Variants in ADAM19 observed in about 807,000 individuals in gnomAD.
ADAM19 encodes the protein ADAM metallopeptidase domain 19, also known as disintegrin and metalloproteinase domain-containing protein 19.
ADAM19 carries 65 observed loss-of-function variants against 114.7 expected under a neutral mutation model. The observed-to-expected ratio is 0.57, with a 90% CI of 0.46 to 0.70. The LOEUF (loss-of-function observed/expected upper bound fraction) is 0.70, where lower values mean the gene tolerates loss of function less well. Ranked by LOEUF, ADAM19 falls within the 30% of genes least tolerant of loss-of-function variation. The pLI is 0.00. For missense variants in ADAM19, 1,063 were observed against 1,204.7 expected (o/e 0.88, Z 1.74); for synonymous variants, 466 against 460.5 (o/e 1.01, Z -0.15).
intron 5 of ADAM19, among the ~76,000 whole-genome samples, chr5:157,520,433 A>T (rs768282635): frequency 6.6e-6 from 1 of 152,156 alleles, no homozygotes; most frequent in Non-Finnish European, 1.5e-5. Flanking sequence ...AAGCCTCCCA[A>T]ACCAAAACAT....
intron 5 of ADAM19, among the ~76,000 whole-genome samples, chr5:157,525,786 A>T (rs1156789239): frequency 6.6e-6 from 1 of 152,184 alleles, no homozygotes; most frequent in Non-Finnish European, 1.5e-5. Flanking sequence ...CATCATGCAC[A>T]CTTTCCTACA....
At position 157,478,108 on chromosome 5, in the gene ADAM19, T is replaced by C. The variant is rs1014645355; in HGVS notation, c.*2841A>G. 11 of 157,084 alleles carry C rather than the reference T, an allele frequency of 7.0e-5. No homozygotes were observed. Among genetic ancestry groups the C allele is most frequent in the Non-Finnish European group, 1.6e-4 (11 of 70,892 alleles). The allele number at this position is 157,084 out of a possible 1,614,324, so 9.7% of individuals were successfully genotyped here. ...TCCAAGGCCCTTAAAAAAAAATTCT[T>C]GGGTTGTAAAATTGGCAGGAGGTTA... On this transcript the variant is annotated 3_prime_UTR_variant, in exon 23 of 23. Transcript: ENST00000257527.
intron 5 of ADAM19, among the ~76,000 whole-genome samples, chr5:157,525,673 T>C (rs1241800368): frequency 6.6e-6 from 1 of 150,794 alleles, no homozygotes; most frequent in Non-Finnish European, 1.5e-5. Flanking sequence ...AAGGAAAAAA[T>C]TTAATGGGGA....
chr5:157,492,906 T>C, intron 16 of ADAM19, 67 bp downstream of exon 16: 3 of 1,565,106 alleles, frequency 1.9e-6, no homozygotes, highest in Non-Finnish European at 2.6e-6. Context: ...CATCCTTCCC[T>C]CAGACCTCAC....
rs1209520487 is a variant in ADAM19, at chr5:157,490,395, G to A, written c.2155C>T (p.Leu719=). 1.2e-6 allele frequency: 2 copies of A among 1,613,966 alleles called. No individual in the cohort carries two copies. ...TTCTGTCTGCAGCAGTAGTACATCA[G>A]CATGAGGACCGCCAGCACCAAGATG... ...VAILVLAVLM[L]MYYCCRQNNK... Residue 719 remains leucine (L), a synonymous_variant, in exon 19 of 23, where the codon CTG becomes TTG. Coordinates refer to ENST00000257527, the MANE Select transcript of ADAM19 (RefSeq NM_033274.5).
At position 157,479,161 on chromosome 5, in the gene ADAM19, T is replaced by C; in HGVS notation, c.*1788A>G. On this transcript the variant is annotated 3_prime_UTR_variant, in exon 23 of 23. Coordinates refer to ENST00000257527, the MANE Select transcript of ADAM19 (RefSeq NM_033274.5). ...CCACGGCAAGGACATGGGGAACCTG[T>C]ATCACAGCCACCCTGAGGGAAGAGA... is the stretch of plus-strand genomic sequence containing the variant. 1 of 985,896 alleles carries C rather than the reference T, an allele frequency of 1.0e-6. No homozygotes were observed. Among genetic ancestry groups the C allele is most frequent in the Non-Finnish European group, 1.2e-6 (1 of 829,952 alleles). The allele number at this position is 985,896 out of a possible 1,614,324, so 61.1% of individuals were successfully genotyped here.
chr5:157,477,932 A>C lies in ADAM19; in HGVS notation c.*3017T>G, dbSNP rs1217221801. ...AAGTGTCTCAGAGCTGGGGCAGAAA[A>C]AGGCTTTACTTTTATAGGGAGAAGT... On this transcript the variant is annotated 3_prime_UTR_variant, in exon 23 of 23. Transcript: ENST00000257527. The C allele has an allele frequency of 3.1e-6, 1 of 323,158 alleles. No homozygotes were observed. The highest frequency in any genetic ancestry group is 2.2e-5 in the African/African-American group (1 of 46,346). The allele number at this position is 323,158 out of a possible 1,614,324, so 20.0% of individuals were successfully genotyped here.
At chr5:157,567,485 C>T (rs554109420) in intron 2 of ADAM19, among the ~76,000 whole-genome samples, 10 of 152,312 alleles carry the variant, frequency 6.6e-5, no homozygotes, top group African/African-American at 2.2e-4. Context: ...GGGACCCCAG[C>T]TCCAAGTGGG....
chr5:157,490,079 A>G (rs1265932807), intron 19 of ADAM19, among the ~76,000 whole-genome samples: 3 of 152,218 alleles, frequency 2.0e-5, no homozygotes, highest in African/African-American at 7.2e-5. Context: ...TTGGTTGGGG[A>G]TATTCTGCTG....
intron 2 of ADAM19, chr5:157,568,860 C>T (rs1011222333): frequency 2.6e-5 from 4 of 152,136 alleles, no homozygotes; most frequent in Non-Finnish European, 4.4e-5. Context: ...CAAATAGTTA[C>T]GGTGCCAGGC....
rs538737707 is a variant in ADAM19, at chr5:157,572,154, C to T, written c.95-1174G>A. The T allele has an allele frequency of 3.4e-4, 112 of 326,078 alleles. 1 individual carries two copies. The highest frequency in any genetic ancestry group is 2.5e-3 in the South Asian group (106 of 42,282). 20.2% of individuals were successfully genotyped at this position (326,078 alleles called of 1,614,324 possible). ...AGGCTGGAGTGCAGTGGTGTGATCT[C>T]GGCTCACTGCAAGCTCCGCCTTCCG... On this transcript the variant is annotated intron_variant, in intron 1 of 22. Coordinates refer to ENST00000257527, the MANE Select transcript of ADAM19 (RefSeq NM_033274.5).
chr5:157,551,718 T>C (rs966323548), intron 3 of ADAM19, among the ~76,000 whole-genome samples: 25 of 149,652 alleles, frequency 1.7e-4, no homozygotes, highest in African/African-American at 6.0e-4. Flanking sequence ...CAAACAACTC[T>C]ATAAGAAAAA....
intron 21 of ADAM19, among the ~76,000 whole-genome samples, chr5:157,484,099 C>T (rs1467428349): frequency 6.6e-6 from 1 of 152,190 alleles, no homozygotes; most frequent in African/African-American, 2.4e-5. Context: ...CTATTACCTT[C>T]ATGTTCTCAC....
intron 12 of ADAM19, among the ~76,000 whole-genome samples, chr5:157,501,534 C>T (rs2113713842): frequency 6.6e-6 from 1 of 152,332 alleles, no homozygotes; most frequent in East Asian, 1.9e-4. Context: ...ACTCAGTGTG[C>T]CTGTTGAATG....
At chr5:157,531,007 A>G (rs1042865244) in intron 4 of ADAM19, 124 bp from the exon 5 acceptor site, 2 of 729,718 alleles carry the variant, frequency 2.7e-6, no homozygotes, top group South Asian at 3.2e-5. Context: ...ATAGCACCTT[A>G]CAACCTGCAA....
chr5:157,563,472 CCTT>C (rs1757566796), intron 3 of ADAM19, among the ~76,000 whole-genome samples: 1 of 152,200 alleles, frequency 6.6e-6, no homozygotes, highest in South Asian at 2.1e-4. Context: ...ACAGGAAGGT[CCTT>C]CTTCATCCTT....
Position 157,537,905 on chromosome 5 carries a change from G to C in ADAM19, c.330+8C>G. 6.2e-7 allele frequency: 1 copy of C among 1,612,530 alleles called. No homozygotes were observed. Among genetic ancestry groups the C allele is most frequent in the South Asian group, 1.1e-5 (1 of 91,038 alleles). ...CTGCTGGATAGACATTTGTTGACCT[G>C]AACTCACCTCCAATTTCCGTGTGGT... On this transcript the variant is annotated splice_region_variant and intron_variant, in intron 4 of 22. Transcript: ENST00000257527.
At chr5:157,495,356 G>A (rs536083280) in intron 14 of ADAM19, among the ~76,000 whole-genome samples, 1 of 152,100 alleles carries the variant, frequency 6.6e-6, no homozygotes, top group African/African-American at 2.4e-5. Context: ...GTGTGGGGAG[G>A]GTTGCATGCT....
intron 21 of ADAM19, among the ~76,000 whole-genome samples, chr5:157,484,203 T>C (rs1477313787): frequency 1.3e-5 from 2 of 152,128 alleles, no homozygotes; most frequent in African/African-American, 4.8e-5. Context: ...ATATACCTCT[T>C]CTTTTCTTTT....
Sources: gnomAD v4.1 joint callset for allele counts (sites outside exome capture counted in the v4.1 genomes callset) on GRCh38, gnomAD v4.1.1 for gene constraint, MANE v1.5 for transcripts, NCBI Gene and HGNC (gene_info 2026-07-23, HGNC 2026-07-21) for gene names.